GRXCR1: variants seen among roughly 807,000 people sequenced by gnomAD.
GRXCR1 encodes glutaredoxin domain-containing cysteine-rich protein 1.
GRXCR1 carries 27 observed loss-of-function variants against 27.3 expected under a neutral mutation model. That is an observed-to-expected ratio of 0.99 (90% CI 0.73 to 1.37). The LOEUF (loss-of-function observed/expected upper bound fraction) is 1.37, where lower values mean the gene tolerates loss of function less well. Ranked by LOEUF, GRXCR1 falls within the 40% of genes most tolerant of loss-of-function variation. GRXCR1 has a pLI of 0.00. For missense variants in GRXCR1, 379 were observed against 354.4 expected, an observed-to-expected ratio of 1.07 and a Z score of -0.56; for synonymous variants, 122 against 131.1, an observed-to-expected ratio of 0.93 and a Z score of 0.47.
intron 1 of GRXCR1, among the ~76,000 whole-genome samples, chr4:42,934,190 T>A (rs1202980350): frequency 6.6e-6 from 1 of 151,374 alleles, no homozygotes; most frequent in Non-Finnish European, 1.5e-5. Flanking sequence ...ATAAGTTTTG[T>A]GTTGAGTTGA....
At chr4:42,922,408 C>T (rs980779) in intron 1 of GRXCR1, among the ~76,000 whole-genome samples, 13,083 of 152,124 alleles carry the variant, frequency 0.086, 997 homozygotes, top group East Asian at 0.35. Flanking sequence ...CTGCAAATTG[C>T]CACCCCTTGG....
chr4:42,946,472 C>T lies in GRXCR1; in HGVS notation c.385-16420C>T, dbSNP rs189419002. Among the ~76,000 whole-genome samples, 176 of 152,232 alleles carry T rather than the reference C, an allele frequency of 1.2e-3. 1 individual carries two copies. Among genetic ancestry groups the T allele is most frequent in the African/African-American group, 4.1e-3 (172 of 41,530 alleles). The stretch of plus-strand genomic sequence containing the variant: ...CAAATTTTAGTTTATTCTTATTCAA[C>T]AAATATGTGCTTACTGTCTGTCTTA... On this transcript the variant is annotated intron_variant, in intron 1 of 3. Transcript: ENST00000399770.
chr4:43,010,838 A>G (rs984136790), intron 2 of GRXCR1, among the ~76,000 whole-genome samples: 4 of 152,244 alleles, frequency 2.6e-5, no homozygotes, highest in Admixed American at 2.6e-4. Context: ...AAAACAAGTT[A>G]CTAAGGTGCT....
At chr4:42,934,297 T>G (rs1009517593) in intron 1 of GRXCR1, among the ~76,000 whole-genome samples, 1 of 151,296 alleles carries the variant, frequency 6.6e-6, no homozygotes, top group African/African-American at 2.4e-5. Flanking sequence ...TCCGAAGTAC[T>G]GTTTGAATGA....
At chr4:42,917,249 G>A (rs1053915415) in intron 1 of GRXCR1, among the ~76,000 whole-genome samples, 2 of 152,108 alleles carry the variant, frequency 1.3e-5, no homozygotes, top group Admixed American at 1.3e-4. Flanking sequence ...ATTGCTGAAA[G>A]TAGAAATATA....
chr4:42,932,609 TATATATATATAGAG>T (rs1320892050), intron 1 of GRXCR1, among the ~76,000 whole-genome samples: 46 of 51,204 alleles, frequency 9.0e-4, no homozygotes, highest in Non-Finnish European at 1.4e-3. Context: ...TATATATATA[TATATATATATAGAG>T]AGAGAGAGAG....
chr4:42,925,111 G>A (rs866013040), intron 1 of GRXCR1, among the ~76,000 whole-genome samples: 2 of 151,880 alleles, frequency 1.3e-5, no homozygotes, highest in Admixed American at 6.6e-5. Context: ...ATGAGAAGAT[G>A]TCTGAGTATA....
At chr4:43,023,241 G>A (rs1460872607) in intron 3 of GRXCR1, among the ~76,000 whole-genome samples, 2 of 152,156 alleles carry the variant, frequency 1.3e-5, no homozygotes, top group African/African-American at 4.8e-5. Context: ...ATCCTGGCAA[G>A]TTCTAGTTTG....
At chr4:43,029,645 T>G (rs1713359093) in intron 3 of GRXCR1, among the ~76,000 whole-genome samples, 1 of 152,192 alleles carries the variant, frequency 6.6e-6, no homozygotes, top group South Asian at 2.1e-4. Context: ...ACTTTACCTT[T>G]GCTTGAGATA....
intron 1 of GRXCR1, among the ~76,000 whole-genome samples, chr4:42,916,424 A>C (rs1347910190): frequency 6.6e-6 from 1 of 152,218 alleles, no homozygotes; most frequent in Non-Finnish European, 1.5e-5. Context: ...GCAAATGAAT[A>C]TCTGTCATTT....
chr4:42,972,154 C>T (rs1477318271), intron 2 of GRXCR1, among the ~76,000 whole-genome samples: 2 of 152,190 alleles, frequency 1.3e-5, no homozygotes, highest in Admixed American at 1.3e-4. Context: ...CATTTCATCA[C>T]ATGTACTATC....
intron 2 of GRXCR1, among the ~76,000 whole-genome samples, chr4:42,982,573 T>G (rs1415034881): frequency 8.2e-6 from 1 of 122,698 alleles, no homozygotes; most frequent in Non-Finnish European, 1.7e-5. Flanking sequence ...ATATACCCAG[T>G]AATGGGATGG....
Position 42,961,317 on chromosome 4 carries a change from T to C in GRXCR1, c.385-1575T>C, listed in dbSNP as rs79287531. ...ATAGTGCTGCTATGCTCTCTTTATC[T>C]TAGTTGTAGTAAATTTGCAGTATGT... is the stretch of plus-strand genomic sequence containing the variant. On this transcript the variant is annotated intron_variant, in intron 1 of 3. Transcript: ENST00000399770. Among the ~76,000 whole-genome samples, 753 of 152,050 alleles carry C rather than the reference T, an allele frequency of 5.0e-3. 3 individuals are homozygous for C. Among genetic ancestry groups the C allele is most frequent in the African/African-American group, 0.017 (709 of 41,532 alleles).
intron 2 of GRXCR1, among the ~76,000 whole-genome samples, chr4:43,019,124 G>C (rs770595319): frequency 2.0e-5 from 3 of 152,126 alleles, no homozygotes; most frequent in Non-Finnish European, 2.9e-5. Flanking sequence ...TCCAGTCTTT[G>C]AGGTCCAGAT....
At chr4:43,020,591 G>T (rs1400226808) in intron 3 of GRXCR1, among the ~76,000 whole-genome samples, 172 bp downstream of exon 3, 4 of 152,186 alleles carry the variant, frequency 2.6e-5, no homozygotes, top group Admixed American at 1.3e-4. Flanking sequence ...GTTGCAGCTA[G>T]AGTGACTTTA....
chr4:42,969,551 C>T (rs376489484), intron 2 of GRXCR1, among the ~76,000 whole-genome samples: 58 of 152,032 alleles, frequency 3.8e-4, no homozygotes, highest in Middle Eastern at 3.4e-3. Flanking sequence ...TGGTGGAGCA[C>T]GGGAGAGAGA....
chr4:42,987,017 T>TGTGC (rs1375735947), intron 2 of GRXCR1, among the ~76,000 whole-genome samples: 1 of 150,468 alleles, frequency 6.6e-6, no homozygotes, highest in Non-Finnish European at 1.5e-5. Flanking sequence ...TGTGTGTGTG[T>TGTGC]GTGTGTGTGT....
At chr4:42,938,118 A>G (rs1383236769) in intron 1 of GRXCR1, among the ~76,000 whole-genome samples, 1 of 151,896 alleles carries the variant, frequency 6.6e-6, no homozygotes, top group African/African-American at 2.4e-5. Flanking sequence ...TCTACTCTCT[A>G]TCTCCATGAG....
intron 2 of GRXCR1, among the ~76,000 whole-genome samples, chr4:42,969,434 C>T (rs1365578476): frequency 2.0e-5 from 3 of 152,078 alleles, no homozygotes; most frequent in East Asian, 3.9e-4. Context: ...GTTGGAAGAC[C>T]TCTGTAATGT....
Sources: allele counts gnomAD v4.1 joint callset (sites outside exome capture counted in the v4.1 genomes callset), GRCh38; gene constraint gnomAD v4.1.1; transcripts MANE v1.5; gene names NCBI Gene and HGNC (gene_info 2026-07-23, HGNC 2026-07-21).